Variants in TMEM132D observed in about 807,000 individuals in gnomAD.
TMEM132D encodes mature OL transmembrane protein.
TMEM132D carries 21 observed loss-of-function variants against 62.3 expected under a neutral mutation model. That is an observed-to-expected ratio of 0.34 (90% CI 0.24 to 0.49). The LOEUF (loss-of-function observed/expected upper bound fraction) is 0.49, where lower values mean the gene tolerates loss of function less well. Ranked by LOEUF, TMEM132D falls within the 20% of genes least tolerant of loss-of-function variation. TMEM132D has a pLI of 0.99. For synonymous variants in TMEM132D, 621 were observed against 575.6 expected (o/e 1.08, Z -1.13); for missense variants, 1,346 against 1,402.8 (o/e 0.96, Z 0.65).
chr12:129,757,403 T>A (rs539174126), intron 1 of TMEM132D, among the ~76,000 whole-genome samples: 1 of 152,284 alleles, frequency 6.6e-6, no homozygotes, highest in African/African-American at 2.4e-5. Flanking sequence ...TGACTGCGTA[T>A]CTGTGGTTTC....
chr12:129,589,903 T>A (rs958942213), intron 2 of TMEM132D, among the ~76,000 whole-genome samples: 1 of 151,334 alleles, frequency 6.6e-6, no homozygotes, highest in African/African-American at 2.5e-5. Context: ...TTATAGTACA[T>A]TTCTCTTTTC....
At chr12:129,444,205 G>T (rs1477248764) in intron 3 of TMEM132D, among the ~76,000 whole-genome samples, 3 of 152,140 alleles carry the variant, frequency 2.0e-5, no homozygotes, top group Non-Finnish European at 2.9e-5. Flanking sequence ...GCACAGCAAA[G>T]ATTTCATGAT....
At chr12:129,472,273 T>C (rs1475156615) in intron 3 of TMEM132D, among the ~76,000 whole-genome samples, 1 of 152,236 alleles carries the variant, frequency 6.6e-6, no homozygotes, top group Non-Finnish European at 1.5e-5. Context: ...GTTGAGTTCA[T>C]GTCCTTTGCA....
chr12:129,275,110 C>T (rs1474356819), intron 4 of TMEM132D, among the ~76,000 whole-genome samples: 3 of 151,868 alleles, frequency 2.0e-5, no homozygotes, highest in Admixed American at 1.3e-4. Context: ...TGAGACCCCA[C>T]CTTTTTAAAA....
chr12:129,727,948 T>C (rs1285022561), intron 1 of TMEM132D, among the ~76,000 whole-genome samples: 1 of 152,220 alleles, frequency 6.6e-6, no homozygotes, highest in Non-Finnish European at 1.5e-5. Context: ...CCCACTACCA[T>C]CCTTTTCAAT....
chr12:129,188,565 G>A (rs1424862493), intron 5 of TMEM132D, among the ~76,000 whole-genome samples: 1 of 152,144 alleles, frequency 6.6e-6, no homozygotes, highest in Non-Finnish European at 1.5e-5. Flanking sequence ...CTAGCCCTGT[G>A]GTTTCCAACT....
At chr12:129,526,556 T>G (rs1443850873) in intron 3 of TMEM132D, among the ~76,000 whole-genome samples, 1 of 152,222 alleles carries the variant, frequency 6.6e-6, no homozygotes, top group Non-Finnish European at 1.5e-5. Flanking sequence ...GTGCTGGGAT[T>G]ACAGGCATGA....
At chr12:129,214,320 G>T (rs1249571877) in intron 4 of TMEM132D, among the ~76,000 whole-genome samples, 1 of 152,140 alleles carries the variant, frequency 6.6e-6, no homozygotes, top group Non-Finnish European at 1.5e-5. Flanking sequence ...GTATCCTGAT[G>T]TTATGCTTCA....
chr12:129,539,186 T>C (rs1052163059), intron 2 of TMEM132D, among the ~76,000 whole-genome samples: 2 of 151,588 alleles, frequency 1.3e-5, no homozygotes, highest in Admixed American at 6.6e-5. Context: ...TTCATCACAC[T>C]ACTCAGAATG....
intron 1 of TMEM132D, among the ~76,000 whole-genome samples, chr12:129,712,886 TGAGAA>T (rs1868428885): frequency 6.6e-6 from 1 of 151,930 alleles, no homozygotes; most frequent in African/African-American, 2.4e-5. Flanking sequence ...AGGCTTATGT[TGAGAA>T]AAGAAGAGTG....
At position 129,371,019 on chromosome 12, in the gene TMEM132D, C is replaced by T. The variant is rs1384222751; in HGVS notation, c.1116-33202G>A. Among the ~76,000 whole-genome samples, 1 of 151,884 alleles carries T rather than the reference C, an allele frequency of 6.6e-6. No homozygotes were observed. The highest frequency in any genetic ancestry group is 1.5e-5 in the Non-Finnish European group (1 of 67,962). ...TAATTATATGTTACAAAAAAATAGC[C>T]ATAGGAGAAGAATTGTAACATTCTC... On this transcript the variant is annotated intron_variant, in intron 3 of 8. Coordinates refer to ENST00000422113, the MANE Select transcript of TMEM132D (RefSeq NM_133448.3). This position sits in a 1 kb window ranked among gnomAD's most constrained non-coding sequence, Gnocchi z 4.3.
chr12:129,562,072 T>G (rs545571150), intron 2 of TMEM132D, among the ~76,000 whole-genome samples: 1 of 152,354 alleles, frequency 6.6e-6, no homozygotes, highest in East Asian at 1.9e-4. Context: ...AGTGAAACAC[T>G]GAAATTTTGT....
At chr12:129,140,214 C>CCACACACACACACACACACACA (rs58179230) in intron 5 of TMEM132D, among the ~76,000 whole-genome samples, 22 of 148,660 alleles carry the variant, frequency 1.5e-4, no homozygotes, top group African/African-American at 5.5e-4. Flanking sequence ...GGCGCTGTTA[C>CCACACACACACACACACACACA]CACACACACA....
intron 2 of TMEM132D, among the ~76,000 whole-genome samples, chr12:129,654,747 C>T (rs1880027368): frequency 6.6e-6 from 1 of 152,172 alleles, no homozygotes; most frequent in Non-Finnish European, 1.5e-5. Flanking sequence ...CTATTTAGGG[C>T]TTCTCCTTTT....
chr12:129,300,102 G>A (rs1261260925), intron 4 of TMEM132D, among the ~76,000 whole-genome samples: 1 of 152,314 alleles, frequency 6.6e-6, no homozygotes, highest in Non-Finnish European at 1.5e-5. Flanking sequence ...TGGAATGGTG[G>A]CTGTTCTAAT....
chr12:129,630,937 G>A (rs1407177543), intron 2 of TMEM132D, among the ~76,000 whole-genome samples: 1 of 152,014 alleles, frequency 6.6e-6, no homozygotes, highest in African/African-American at 2.4e-5. Flanking sequence ...GCTCCCACTT[G>A]TAAGTGAGAA....
In TMEM132D at chr12:129,435,157, T is replaced by A. The variant is rs180716873; in HGVS notation, c.1115+95902A>T. On this transcript the variant is annotated intron_variant, in intron 3 of 8. Transcript: ENST00000422113. ...CAAAAGATAGGATTTTATTCTTTTT[T>A]AATGGTGGACTAGCATTCCATTGTG... Among the ~76,000 whole-genome samples the A allele has an allele frequency of 2.9e-3, 439 of 152,358 alleles. 8 individuals carry two copies. The highest frequency in any genetic ancestry group is 7.2e-4 in the Non-Finnish European group (49 of 68,040).
At chr12:129,880,611 G>A (rs1471011086) in intron 1 of TMEM132D, among the ~76,000 whole-genome samples, 2 of 152,200 alleles carry the variant, frequency 1.3e-5, no homozygotes, top group Non-Finnish European at 2.9e-5. Flanking sequence ...GGAATATGCA[G>A]TTGGCAGGTG....
intron 1 of TMEM132D, among the ~76,000 whole-genome samples, chr12:129,704,342 C>T (rs902377426): frequency 6.6e-6 from 1 of 152,232 alleles, no homozygotes. Context: ...CATGTGGGTG[C>T]TCCCGCACCT....
Sources: allele counts gnomAD v4.1 joint callset (sites outside exome capture counted in the v4.1 genomes callset), GRCh38; gene constraint gnomAD v4.1.1; non-coding constraint Gnocchi (gnomAD v3.1); transcripts MANE v1.5; gene names NCBI Gene and HGNC (gene_info 2026-07-23, HGNC 2026-07-21).